Variants in LRMDA observed in about 807,000 individuals in gnomAD.
LRMDA encodes leucine-rich melanocyte differentiation-associated protein.
In LRMDA, 18 loss-of-function variants were observed where a neutral mutation model predicts 29.8. The ratio of observed to expected loss-of-function variants is 0.60; its 90% CI spans 0.42 to 0.90. The LOEUF (loss-of-function observed/expected upper bound fraction) is 0.90, where lower values mean the gene tolerates loss of function less well. LRMDA is among the 40% of genes least tolerant of loss of function. The pLI, the probability that LRMDA is intolerant of heterozygous loss-of-function variation, is 0.00. For missense variants in LRMDA, 273 were observed against 273.9 expected, an observed-to-expected ratio of 1.00 and a Z score of 0.02; for synonymous variants, 125 against 109.4, an observed-to-expected ratio of 1.14 and a Z score of -0.89.
At chr10:75,837,227 G>A (rs1013038284) in intron 2 of LRMDA, among the ~76,000 whole-genome samples, 1 of 152,068 alleles carries the variant, frequency 6.6e-6, no homozygotes, top group Non-Finnish European at 1.5e-5. Context: ...ATATTCATGA[G>A]CGATAGTATT....
At chr10:75,558,734 A>G (rs1840249983) in intron 2 of LRMDA, among the ~76,000 whole-genome samples, 1 of 140,532 alleles carries the variant, frequency 7.1e-6, no homozygotes, top group Admixed American at 7.1e-5. Flanking sequence ...TCCTGTGTCC[A>G]TGTGTTCTCA....
At chr10:76,357,640 A>T (rs1589149617) in intron 6 of LRMDA, among the ~76,000 whole-genome samples, 1 of 152,164 alleles carries the variant, frequency 6.6e-6, no homozygotes, top group Non-Finnish European at 1.5e-5. Flanking sequence ...TCACAGAGTG[A>T]ACTAGCTGCA....
chr10:76,051,368 A>G (rs1049714255), intron 4 of LRMDA, among the ~76,000 whole-genome samples: 1 of 152,222 alleles, frequency 6.6e-6, no homozygotes, highest in African/African-American at 2.4e-5. Flanking sequence ...TTGCACAGAG[A>G]CTTCAAACAT....
At chr10:76,146,829 G>A (rs547324141) in intron 5 of LRMDA, among the ~76,000 whole-genome samples, 149 of 152,268 alleles carry the variant, frequency 9.8e-4, no homozygotes, top group African/African-American at 3.3e-3. Flanking sequence ...GGTACCGGTC[G>A]TTCCTTTCCA....
At chr10:75,934,975 A>G (rs901432943) in intron 2 of LRMDA, among the ~76,000 whole-genome samples, 3 of 152,024 alleles carry the variant, frequency 2.0e-5, no homozygotes, top group Non-Finnish European at 4.4e-5. Flanking sequence ...TCATGGCAGG[A>G]GGGTTTCCTG....
At chr10:75,707,130 A>T (rs1359492330) in intron 2 of LRMDA, among the ~76,000 whole-genome samples, 1 of 152,030 alleles carries the variant, frequency 6.6e-6, no homozygotes, top group Non-Finnish European at 1.5e-5. Context: ...GCATGTTAGG[A>T]TGGTGTGTTT....
At chr10:76,023,555 G>T (rs2132493797) in intron 2 of LRMDA, among the ~76,000 whole-genome samples, 1 of 152,268 alleles carries the variant, frequency 6.6e-6, no homozygotes, top group Admixed American at 6.5e-5. Flanking sequence ...AACCCACTTT[G>T]GTGCATGGGA....
At chr10:75,558,480 T>C (rs1589182990) in intron 2 of LRMDA, among the ~76,000 whole-genome samples, 2 of 152,228 alleles carry the variant, frequency 1.3e-5, no homozygotes, top group African/African-American at 4.8e-5. Context: ...TTCTGTCTTA[T>C]ATCTTTTTGA....
chr10:76,065,753 C>T (rs1848773952), intron 5 of LRMDA, among the ~76,000 whole-genome samples: 2 of 152,232 alleles, frequency 1.3e-5, no homozygotes, highest in South Asian at 4.1e-4. Context: ...CTTGCTGTGG[C>T]TCCCCATCTA....
At chr10:76,022,847 G>A (rs1031328213) in intron 2 of LRMDA, among the ~76,000 whole-genome samples, 10 of 152,148 alleles carry the variant, frequency 6.6e-5, no homozygotes, top group Non-Finnish European at 1.3e-4. Context: ...TATTCAACCA[G>A]GCTGTTTAAT....
rs77610693 is a variant in LRMDA at position 75,710,663 on chromosome 10, C to A, written c.131+272169C>A. On this transcript the variant is annotated intron_variant, in intron 2 of 6. Coordinates refer to ENST00000611255, the MANE Select transcript of LRMDA (RefSeq NM_001305581.2). ...CAGAGCCCATCTGGGCATGTGGGTT[C>A]GAGAAACAAAAGGAACGAAAAGTGA... Among the ~76,000 whole-genome samples the A allele has an allele frequency of 1.4e-3, 210 of 152,338 alleles. 2 individuals carry two copies. Among genetic ancestry groups the A allele is most frequent in the African/African-American group, 4.9e-3 (204 of 41,576 alleles).
At chr10:76,467,331 C>T (rs1186888457) in intron 6 of LRMDA, among the ~76,000 whole-genome samples, 1 of 152,176 alleles carries the variant, frequency 6.6e-6, no homozygotes, top group Non-Finnish European at 1.5e-5. Context: ...TAGGCCTACT[C>T]TTTATGAAAG....
intron 5 of LRMDA, among the ~76,000 whole-genome samples, chr10:76,302,554 GTTTTC>G (rs1346127984): frequency 6.6e-6 from 1 of 152,022 alleles, no homozygotes; most frequent in Non-Finnish European, 1.5e-5. Context: ...TGGGGATTCT[GTTTTC>G]TTTTGTATTG....
intron 6 of LRMDA, among the ~76,000 whole-genome samples, chr10:76,370,606 A>T (rs975403319): frequency 1.2e-4 from 18 of 152,108 alleles, no homozygotes; most frequent in African/African-American, 3.6e-4. Flanking sequence ...ATATTTTGTG[A>T]GAGAGAGAAA....
At chr10:75,905,019 ACT>A (rs1491300497) in intron 2 of LRMDA, among the ~76,000 whole-genome samples, 1 of 152,016 alleles carries the variant, frequency 6.6e-6, no homozygotes, top group Non-Finnish European at 1.5e-5. Flanking sequence ...AAAAGTGCAC[ACT>A]CTATCTGCAG....
intron 2 of LRMDA, among the ~76,000 whole-genome samples, chr10:75,499,568 C>T (rs1845088575): frequency 6.6e-6 from 1 of 152,298 alleles, no homozygotes; most frequent in African/African-American, 2.4e-5. Context: ...TAGCATAGTG[C>T]CTGGCAAAAA....
At chr10:75,914,538 A>G (rs865809602) in intron 2 of LRMDA, among the ~76,000 whole-genome samples, 2 of 152,230 alleles carry the variant, frequency 1.3e-5, no homozygotes, top group South Asian at 2.1e-4. Context: ...GCATAATTCA[A>G]TAAGTGAATG....
At chr10:76,394,658 G>C (rs1841762083) in intron 6 of LRMDA, among the ~76,000 whole-genome samples, 1 of 152,094 alleles carries the variant, frequency 6.6e-6, no homozygotes, top group Non-Finnish European at 1.5e-5. Context: ...TCAAGCAGTG[G>C]GGGCTGAATG....
At chr10:76,261,064 C>CTTTTTTTTTTTTTTTT (rs58554883) in intron 5 of LRMDA, among the ~76,000 whole-genome samples, 1 of 117,734 alleles carries the variant, frequency 8.5e-6, no homozygotes, top group African/African-American at 3.4e-5. Flanking sequence ...CTTTTCTTTT[C>CTTTTTTTTTTTTTTTT]TTTTTTTTTT....
Sources: gnomAD v4.1 joint callset for allele counts (sites outside exome capture counted in the v4.1 genomes callset) on GRCh38, gnomAD v4.1.1 for gene constraint, MANE v1.5 for transcripts, NCBI Gene and HGNC (gene_info 2026-07-23, HGNC 2026-07-21) for gene names.